INSL6: variants seen among roughly 807,000 people sequenced by gnomAD.
INSL6 encodes the protein insulin-like peptide INSL6.
INSL6 carries 16 observed loss-of-function variants against 9.4 expected under a neutral mutation model. That is an observed-to-expected ratio of 1.70 (90% CI 1.15 to 2.59). The LOEUF (loss-of-function observed/expected upper bound fraction) is 2.59, where lower values mean the gene tolerates loss of function less well. Ranked by LOEUF, INSL6 falls within the 30% of genes most tolerant of loss-of-function variation. The pLI, the probability that INSL6 is intolerant of heterozygous loss-of-function variation, is 0.00. For synonymous variants in INSL6, 154 were observed against 96.9 expected, an observed-to-expected ratio of 1.59 and a Z score of -3.46; for missense variants, 391 against 257.3, an observed-to-expected ratio of 1.52 and a Z score of -3.56.
At chr9:5,078,351 C>G in the INSL6 span, 2 of 1,612,334 alleles carry the variant, frequency 1.2e-6, no homozygotes, top group East Asian at 2.2e-5. Flanking sequence ...CAAAAATATT[C>G]TGCTTATCAG....
intron 1 of INSL6, among the ~76,000 whole-genome samples, chr9:5,172,704 A>C (rs1422140431): frequency 6.6e-6 from 1 of 152,168 alleles, no homozygotes; most frequent in Admixed American, 6.5e-5. Flanking sequence ...CGAGGTGGGC[A>C]GATACCTGAG....
chr9:5,148,986 G>A (rs979405523), intron 2 of INSL6, among the ~76,000 whole-genome samples: 1 of 152,202 alleles, frequency 6.6e-6, no homozygotes, highest in Non-Finnish European at 1.5e-5. Flanking sequence ...CAGTTAGCTG[G>A]GGCCAGAGTC....
the INSL6 span, among the ~76,000 whole-genome samples, chr9:5,037,214 C>T: frequency 7.9e-5 from 12 of 152,096 alleles, no homozygotes; most frequent in Non-Finnish European, 1.8e-4. Flanking sequence ...ACAACAGGTG[C>T]TGGAGAGGAT....
chr9:4,992,618 C>CA, the INSL6 span, among the ~76,000 whole-genome samples: 1 of 152,182 alleles, frequency 6.6e-6, no homozygotes, highest in Non-Finnish European at 1.5e-5. Flanking sequence ...GACAGTAACT[C>CA]AGAGTCCAGT....
the INSL6 span, among the ~76,000 whole-genome samples, chr9:5,002,129 GTT>G: frequency 6.6e-6 from 1 of 151,720 alleles, no homozygotes; most frequent in African/African-American, 2.4e-5. Context: ...TAAAAACAAA[GTT>G]TTGGTTTGAT....
chr9:5,161,844 C>A (rs183296311), downstream of INSL6, among the ~76,000 whole-genome samples: 1 of 152,016 alleles, frequency 6.6e-6, no homozygotes, highest in Admixed American at 6.6e-5. Context: ...CTTTGGGAGG[C>A]CAAGGTGGGA....
the INSL6 span, chr9:5,073,802 G>C: frequency 6.9e-7 from 1 of 1,450,702 alleles, no homozygotes; most frequent in African/African-American, 1.4e-5. Flanking sequence ...AAAACTACAG[G>C]CTTTCTAATG....
the INSL6 span, among the ~76,000 whole-genome samples, chr9:5,060,216 T>C: frequency 6.6e-6 from 1 of 152,216 alleles, no homozygotes; most frequent in Non-Finnish European, 1.5e-5. Flanking sequence ...TATGAGGGTA[T>C]TATTTTGATG....
At chr9:5,090,331 G>T in the INSL6 span, 1 of 749,018 alleles carries the variant, frequency 1.3e-6, no homozygotes, top group Admixed American at 3.2e-5. Flanking sequence ...GTATAATAAA[G>T]TTTTGTCATC....
At chr9:5,103,221 C>CAAAAAAAA in the INSL6 span, among the ~76,000 whole-genome samples, 4 of 6,874 alleles carry the variant, frequency 5.8e-4, 1 homozygote, top group African/African-American at 1.8e-3. Context: ...AAAGGGAAAG[C>CAAAAAAAA]AAAAAAAAAA....
downstream of INSL6, among the ~76,000 whole-genome samples, chr9:5,120,083 G>A (rs1168484076): frequency 6.6e-6 from 1 of 152,168 alleles, no homozygotes; most frequent in African/African-American, 2.4e-5. Flanking sequence ...AGGAGTCCAT[G>A]AAAAAAGTGC....
At chr9:5,062,453 T>TA in the INSL6 span, among the ~76,000 whole-genome samples, 2 of 133,636 alleles carry the variant, frequency 1.5e-5, no homozygotes, top group African/African-American at 5.8e-5. Context: ...ATTGCACTGA[T>TA]AGACTTGTAC....
intron 1 of INSL6, among the ~76,000 whole-genome samples, chr9:5,182,678 G>C (rs190244871): frequency 6.6e-6 from 1 of 152,020 alleles, no homozygotes; most frequent in Non-Finnish European, 1.5e-5. Flanking sequence ...GTGACATGAA[G>C]ACTAAGAATA....
At chr9:5,010,925 G>A in the INSL6 span, among the ~76,000 whole-genome samples, 1 of 152,150 alleles carries the variant, frequency 6.6e-6, no homozygotes, top group East Asian at 1.9e-4. Flanking sequence ...ATTCTGGGTT[G>A]ACAGCTTTCC....
intron 1 of INSL6, among the ~76,000 whole-genome samples, chr9:5,165,577 T>C (rs1825033212): frequency 6.6e-6 from 1 of 152,238 alleles, no homozygotes; most frequent in Admixed American, 6.5e-5. Context: ...AAGAAATGTC[T>C]CTTCAAATCC....
chr9:5,098,132 TTAGA>T, the INSL6 span: 1 of 152,144 alleles, frequency 6.6e-6, no homozygotes, highest in Non-Finnish European at 1.5e-5. Context: ...ATCTAGTAAT[TTAGA>T]GTGACTTTAT....
chr9:5,117,958 T>G, the INSL6 span, among the ~76,000 whole-genome samples: 1 of 152,238 alleles, frequency 6.6e-6, no homozygotes, highest in Admixed American at 6.5e-5. Context: ...AACCACATCC[T>G]CTTACACATT....
chr9:5,044,790 G>A, the INSL6 span, among the ~76,000 whole-genome samples: 2 of 152,034 alleles, frequency 1.3e-5, no homozygotes, highest in Non-Finnish European at 2.9e-5. Flanking sequence ...TAAGGATTTC[G>A]CAAAGTATAG....
At chr9:5,066,599 T>C in the INSL6 span, 13 of 797,576 alleles carry the variant, frequency 1.6e-5, no homozygotes, top group Non-Finnish European at 2.0e-5. Flanking sequence ...GATTTGACTT[T>C]TGATTGTTTT....
Sources: gnomAD v4.1 joint callset for allele counts (sites outside exome capture counted in the v4.1 genomes callset) on GRCh38, gnomAD v4.1.1 for gene constraint, MANE v1.5 for transcripts, NCBI Gene and HGNC (gene_info 2026-07-23, HGNC 2026-07-21) for gene names.